LTA: variants seen among roughly 807,000 people sequenced by gnomAD.
The protein encoded by LTA is lymphotoxin alpha.
LTA carries 6 observed loss-of-function variants against 15.1 expected under a neutral mutation model. That is an observed-to-expected ratio of 0.40 (90% CI 0.22 to 0.78). The LOEUF is 0.78. Among genes scored for constraint, LTA ranks in the 30% least tolerant of loss-of-function variants. LTA has a pLI of 0.38. For synonymous variants in LTA, 87 were observed against 107.3 expected, an observed-to-expected ratio of 0.81 and a Z score of 1.17; for missense variants, 173 against 249.5, an observed-to-expected ratio of 0.69 and a Z score of 2.06.
upstream of LTA, among the ~76,000 whole-genome samples, chr6:31,569,689 C>T (rs1402322969): frequency 1.3e-5 from 2 of 151,502 alleles, no homozygotes; most frequent in Non-Finnish European, 1.5e-5. Context: ...CCCAGCTACT[C>T]GGGAGGCTGA....
At chr6:31,564,739 C>A in the LTA span, among the ~76,000 whole-genome samples, 1 of 85,436 alleles carries the variant, frequency 1.2e-5, no homozygotes, top group Admixed American at 1.1e-4. Flanking sequence ...AACCCTATCT[C>A]TGGAAAAAAA....
At chr6:31,568,449 G>A (rs995001786), upstream of LTA, among the ~76,000 whole-genome samples, 1 of 152,140 alleles carries the variant, frequency 6.6e-6, no homozygotes. The surrounding 1 kb of genome is among the most constrained non-coding windows in gnomAD (Gnocchi z 4.1). Context: ...TTAGATTTAA[G>A]GTTAGGGTTA....
chr6:31,565,059 AC>A, the LTA span, among the ~76,000 whole-genome samples: 1 of 152,186 alleles, frequency 6.6e-6, no homozygotes, highest in African/African-American at 2.4e-5. Flanking sequence ...TGCAAAAGGC[AC>A]GTGCTTTGGG....
upstream of LTA, among the ~76,000 whole-genome samples, chr6:31,568,916 A>G (rs1241320800): frequency 6.6e-6 from 1 of 151,722 alleles, no homozygotes; most frequent in African/African-American, 2.4e-5. The surrounding 1 kb of genome is among the most constrained non-coding windows in gnomAD (Gnocchi z 4.1). Context: ...TTGTCTTTCA[A>G]TGTCCCATTC....
chr6:31,566,128 A>T, the LTA span, among the ~76,000 whole-genome samples: 1 of 151,884 alleles, frequency 6.6e-6, no homozygotes, highest in Non-Finnish European at 1.5e-5. Flanking sequence ...CAGTGAGCCA[A>T]GATCATGCCG....
upstream of LTA, among the ~76,000 whole-genome samples, chr6:31,570,080 G>A (rs1194496734): frequency 1.3e-5 from 2 of 152,128 alleles, no homozygotes; most frequent in African/African-American, 4.8e-5. Flanking sequence ...CTTCATTTCT[G>A]AAGGCTCCCA....
At chr6:31,562,138 G>C in the LTA span, among the ~76,000 whole-genome samples, 1 of 151,878 alleles carries the variant, frequency 6.6e-6, no homozygotes, top group East Asian at 1.9e-4. Context: ...GCCAAGCAGA[G>C]ACAGGGCAGC....
At chr6:31,572,901 G>GC (rs1562475446) in intron 2 of LTA, 27 bp from the exon 3 acceptor site, 4 of 1,610,832 alleles carry the variant, frequency 2.5e-6, no homozygotes, top group Non-Finnish European at 3.4e-6. Flanking sequence ...GAGCCCTAGA[G>GC]CCCCCCTCAA....
upstream of LTA, among the ~76,000 whole-genome samples, chr6:31,568,204 C>T (rs923747847): frequency 6.6e-6 from 1 of 152,144 alleles, no homozygotes; most frequent in African/African-American, 2.4e-5. The surrounding 1 kb of genome is among the most constrained non-coding windows in gnomAD (Gnocchi z 4.1). Flanking sequence ...TAGGACAATG[C>T]CCAGCATGTG....
upstream of LTA, chr6:31,572,143 C>T (rs1770859648): frequency 6.4e-6 from 1 of 155,792 alleles, no homozygotes; most frequent in Non-Finnish European, 1.4e-5. Flanking sequence ...AGGCCTCAGC[C>T]TTTCCTGCCT....
chr6:31,563,592 A>G, the LTA span, among the ~76,000 whole-genome samples: 1 of 152,146 alleles, frequency 6.6e-6, no homozygotes, highest in Non-Finnish European at 1.5e-5. Context: ...AGCCCCAAGA[A>G]TGAGACCACT....
the LTA span, among the ~76,000 whole-genome samples, chr6:31,563,468 T>G: frequency 1.3e-5 from 2 of 151,764 alleles, no homozygotes; most frequent in Admixed American, 6.6e-5. Context: ...AAAGAATGAG[T>G]AAAAGTTGTG....
At chr6:31,571,875 C>A (rs541931589), upstream of LTA, among the ~76,000 whole-genome samples, 18 of 150,496 alleles carry the variant, frequency 1.2e-4, 1 homozygote, top group Admixed American at 2.0e-4. Context: ...GACAGGGGTA[C>A]AAGAGAAGGA....
chr6:31,570,797 A>G (rs1238475218), upstream of LTA, among the ~76,000 whole-genome samples: 1 of 152,204 alleles, frequency 6.6e-6, no homozygotes, highest in Admixed American at 6.6e-5. Context: ...TCAAACAGAA[A>G]TGAGTACATT....
Position 31,574,165 on chromosome 6 carries a change from G to A in LTA, c.*472G>A. The stretch of plus-strand genomic sequence containing the variant: ...AGGCCCAAGAGATGAAGAGTGAGAG[G>A]GCATGCGCACAAGGCTGACCAAGAG... On this transcript the variant is annotated 3_prime_UTR_variant, in exon 4 of 4. Coordinates refer to ENST00000418386, the MANE Select transcript of LTA (RefSeq NM_000595.4). The A allele has an allele frequency of 6.6e-6, 2 of 304,096 alleles. No individual in the cohort carries two copies. The highest frequency in any genetic ancestry group is 6.4e-6 in the Non-Finnish European group (1 of 155,834). The allele number at this position is 304,096 out of a possible 1,614,324, so 18.8% of individuals were successfully genotyped here.
chr6:31,563,906 C>A, the LTA span, among the ~76,000 whole-genome samples: 2 of 152,088 alleles, frequency 1.3e-5, no homozygotes, highest in African/African-American at 2.4e-5. Context: ...CGGTGCCCGG[C>A]GGTAAGAGAT....
chr6:31,568,767 T>C (rs932030785), upstream of LTA, among the ~76,000 whole-genome samples: 3 of 152,118 alleles, frequency 2.0e-5, no homozygotes, highest in Non-Finnish European at 2.9e-5. The surrounding 1 kb of genome is among the most constrained non-coding windows in gnomAD (Gnocchi z 4.1). Context: ...GAAACTGAGA[T>C]TGAAACCAAG....
chr6:31,573,063 TC>T, intron 3 of LTA, 30 bp downstream of exon 3: 1 of 1,564,760 alleles, frequency 6.4e-7, no homozygotes. Context: ...CCCAGACATG[TC>T]CCCACCAGCT....
chr6:31,566,161 G>T, the LTA span, among the ~76,000 whole-genome samples: 1 of 150,490 alleles, frequency 6.6e-6, no homozygotes, highest in Non-Finnish European at 1.5e-5. Flanking sequence ...CTGGGCAACA[G>T]AGCGAGACGC....
Sources: gnomAD v4.1 joint callset for allele counts (sites outside exome capture counted in the v4.1 genomes callset) on GRCh38, gnomAD v4.1.1 for gene constraint, Gnocchi (gnomAD v3.1) non-coding constraint, MANE v1.5 for transcripts, NCBI Gene and HGNC (gene_info 2026-07-23, HGNC 2026-07-21) for gene names.